Variants in COL5A2 observed in about 807,000 individuals in gnomAD.
COL5A2 encodes the protein collagen type V alpha 2 chain.
COL5A2 carries 23 observed loss-of-function variants against 208.2 expected under a neutral mutation model. The ratio of observed to expected loss-of-function variants is 0.11; its 90% CI spans 0.08 to 0.16. The LOEUF (loss-of-function observed/expected upper bound fraction) is 0.16. Among genes scored for constraint, COL5A2 ranks in the 10% least tolerant of loss-of-function variants. COL5A2 has a pLI of 1.00. For missense variants in COL5A2, 1,590 were observed against 1,956.4 expected, an observed-to-expected ratio of 0.81 and a Z score of 3.53; for synonymous variants, 625 against 628.5, an observed-to-expected ratio of 0.99 and a Z score of 0.08.
At chr2:189,224,835 TA>T (rs909215952) in intron 1 of COL5A2, among the ~76,000 whole-genome samples, 9 of 150,870 alleles carry the variant, frequency 6.0e-5, no homozygotes, top group East Asian at 1.9e-4. Context: ...TAAGAACATA[TA>T]AAAAAAAACT....
chr2:189,077,930 G>A (rs1276524190), intron 16 of COL5A2, among the ~76,000 whole-genome samples: 1 of 152,190 alleles, frequency 6.6e-6, no homozygotes, highest in African/African-American at 2.4e-5. Flanking sequence ...AGTCAGCATA[G>A]CCTGATCTTC....
chr2:189,434,715 G>T, the COL5A2 span, among the ~76,000 whole-genome samples: 7 of 152,088 alleles, frequency 4.6e-5, no homozygotes, highest in African/African-American at 7.2e-5. Context: ...CGCTCATGGA[G>T]AGGAAGAATC....
chr2:189,055,708 G>T (rs1685887820), intron 35 of COL5A2, among the ~76,000 whole-genome samples: 2 of 152,102 alleles, frequency 1.3e-5, no homozygotes, highest in Non-Finnish European at 2.9e-5. Flanking sequence ...TGCAGTAAGT[G>T]CTTTGCTCTG....
the COL5A2 span, among the ~76,000 whole-genome samples, chr2:189,313,438 G>T: frequency 4.6e-5 from 7 of 152,054 alleles, no homozygotes; most frequent in Admixed American, 2.6e-4. Context: ...AGATCCTGAA[G>T]GAAGCAATAA....
chr2:189,060,247 G>A (rs976044965), intron 31 of COL5A2, among the ~76,000 whole-genome samples: 2 of 152,032 alleles, frequency 1.3e-5, no homozygotes, highest in African/African-American at 4.8e-5. Context: ...TATACTCTCT[G>A]AATCCTACTA....
intron 6 of COL5A2, 116 bp downstream of exon 6, chr2:189,097,161 A>T (rs1328430688): frequency 2.2e-6 from 2 of 916,628 alleles, no homozygotes; most frequent in African/African-American, 3.3e-5. Context: ...GTATTTTTGT[A>T]AAATTTAATG....
At chr2:189,322,731 C>T in the COL5A2 span, among the ~76,000 whole-genome samples, 11,524 of 152,094 alleles carry the variant, frequency 0.076, 735 homozygotes, top group African/African-American at 0.17. Context: ...GATACACAGC[C>T]GAATTCTACC....
At chr2:189,243,493 G>A in the COL5A2 span, among the ~76,000 whole-genome samples, 1 of 152,196 alleles carries the variant, frequency 6.6e-6, no homozygotes, top group Non-Finnish European at 1.5e-5. Flanking sequence ...CATCAGAGCT[G>A]GTAAGACTTA....
chr2:189,433,016 G>T, the COL5A2 span, among the ~76,000 whole-genome samples: 1 of 152,132 alleles, frequency 6.6e-6, no homozygotes, highest in Non-Finnish European at 1.5e-5. Context: ...TAGAACTCAG[G>T]ATTAAGAAAC....
At chr2:189,286,200 T>C in the COL5A2 span, among the ~76,000 whole-genome samples, 1 of 152,156 alleles carries the variant, frequency 6.6e-6, no homozygotes, top group African/African-American at 2.4e-5. Flanking sequence ...TGGCTTTTAG[T>C]TGCATCCTAA....
the COL5A2 span, among the ~76,000 whole-genome samples, chr2:189,429,805 T>G: frequency 2.0e-5 from 3 of 152,200 alleles, no homozygotes; most frequent in Non-Finnish European, 4.4e-5. Flanking sequence ...TCTTCAGGTA[T>G]TTATGGGACA....
intron 1 of COL5A2, among the ~76,000 whole-genome samples, chr2:189,159,746 T>G (rs905304972): frequency 6.6e-6 from 1 of 152,136 alleles, no homozygotes; most frequent in East Asian, 1.9e-4. Flanking sequence ...CCAGGCACGG[T>G]GGCTCATGCC....
In COL5A2 at chr2:189,048,250, T is replaced by A. The variant is rs2153507735; in HGVS notation, c.3160A>T (p.Asn1054Tyr). ...GEPGPEGPAG[N>Y]DGTPGRDGAV... ...CCATCCCGTCCTGGGGTACCATCAT[T>A]GCCAGCTGGACCCTATAAAGAATAA... The change falls in exon 45 of 54, where the codon AAT becomes TAT. Residue 1054 changes from asparagine (N) to tyrosine (Y), a missense_variant. Transcript: ENST00000374866. 6.2e-7 allele frequency: 1 copy of A among 1,614,034 alleles called. No individual in the cohort carries two copies. The highest frequency in any genetic ancestry group is 8.5e-7 in the Non-Finnish European group (1 of 1,179,930).
the COL5A2 span, among the ~76,000 whole-genome samples, chr2:189,256,499 C>A: frequency 6.6e-6 from 1 of 152,168 alleles, no homozygotes; most frequent in Non-Finnish European, 1.5e-5. Flanking sequence ...CTTGGGAAAG[C>A]ACCTGACCTT....
At chr2:189,357,566 C>CT in the COL5A2 span, among the ~76,000 whole-genome samples, 1 of 152,048 alleles carries the variant, frequency 6.6e-6, no homozygotes, top group Non-Finnish European at 1.5e-5. Flanking sequence ...ACCCCTCCCC[C>CT]TACCAAGCTC....
intron 47 of COL5A2, among the ~76,000 whole-genome samples, 167 bp from the exon 48 acceptor site, chr2:189,043,425 T>C (rs781666544): frequency 6.6e-6 from 1 of 152,130 alleles, no homozygotes; most frequent in Non-Finnish European, 1.5e-5. Context: ...ACCTAGAAAT[T>C]TCTGTTTATT....
chr2:189,072,016 T>G (rs1576507846), intron 18 of COL5A2, 24 bp downstream of exon 18: 1 of 1,485,262 alleles, frequency 6.7e-7, no homozygotes, highest in East Asian at 2.3e-5. Context: ...CGTTAAATAC[T>G]GTATATTAAC....
intron 3 of COL5A2, among the ~76,000 whole-genome samples, chr2:189,103,608 G>C (rs148378837): frequency 2.2e-4 from 34 of 152,124 alleles, no homozygotes; most frequent in African/African-American, 7.9e-4. Flanking sequence ...TCGCTTCGTA[G>C]GATTACCTTA....
At chr2:189,372,249 G>A in the COL5A2 span, among the ~76,000 whole-genome samples, 1 of 152,120 alleles carries the variant, frequency 6.6e-6, no homozygotes, top group Non-Finnish European at 1.5e-5. Context: ...TTAGAACAGA[G>A]ACAAGTACTC....
Sources: gnomAD v4.1 joint callset for allele counts (sites outside exome capture counted in the v4.1 genomes callset) on GRCh38, gnomAD v4.1.1 for gene constraint, MANE v1.5 for transcripts, NCBI Gene and HGNC (gene_info 2026-07-23, HGNC 2026-07-21) for gene names.